Variants in SPTBN1 observed in about 807,000 individuals in gnomAD.
The protein encoded by SPTBN1 is spectrin beta chain, non-erythrocytic 1.
SPTBN1 carries 32 observed loss-of-function variants against 266.4 expected under a neutral mutation model. The observed-to-expected ratio is 0.12, with a 90% confidence interval of 0.09 to 0.16. The LOEUF is 0.16. Ranked by LOEUF, SPTBN1 falls within the 10% of genes least tolerant of loss-of-function variation. The pLI, the probability that SPTBN1 is intolerant of heterozygous loss-of-function variation, is 1.00. For missense variants in SPTBN1, 2,296 were observed against 3,067.1 expected, an observed-to-expected ratio of 0.75 and a Z score of 5.94; for synonymous variants, 1,336 against 1,162.2, an observed-to-expected ratio of 1.15 and a Z score of -3.04.
rs1433717525 is a variant in SPTBN1, at chr2:54,626,822, T to C, written c.1644+588T>C. Among the ~76,000 whole-genome samples the C allele has an allele frequency of 1.3e-5, 2 of 152,228 alleles. No homozygotes were observed. The highest frequency in any genetic ancestry group is 2.4e-5 in the African/African-American group (1 of 41,458). On this transcript the variant is annotated intron_variant, in intron 12 of 35. Transcript: ENST00000356805. The surrounding 1 kb of genome is among the most constrained non-coding windows in gnomAD (Gnocchi z 4.7). ...TGCACAGATCATGGGATGGGCTGGA[T>C]GGCAGTGGCTGGTCATGCCATTTAT...
chr2:54,649,456 G>C lies in SPTBN1; in HGVS notation c.5203-159G>C. ...AGTGAGCAAGAAAGGAAACCCAGTT[G>C]CTAAGAGGTTCTCGAGCTAAGATCT... On this transcript the variant is annotated intron_variant, in intron 25 of 35. Transcript: ENST00000356805. This position sits in a 1 kb window ranked among gnomAD's most constrained non-coding sequence, Gnocchi z 6.7. 1.6e-6 allele frequency: 2 copies of C among 1,221,164 alleles called. No individual in the cohort carries two copies. Among genetic ancestry groups the C allele is most frequent in the Non-Finnish European group, 2.2e-6 (2 of 896,904 alleles). The allele number at this position is 1,221,164 out of a possible 1,614,324, so 75.6% of individuals were successfully genotyped here.
intron 1 of SPTBN1, chr2:54,520,447 C>A (rs951650786): frequency 2.0e-5 from 3 of 152,154 alleles, no homozygotes; most frequent in African/African-American, 7.2e-5. Context: ...TTTCCACATC[C>A]ATTTCTGCCT....
intron 1 of SPTBN1, among the ~76,000 whole-genome samples, chr2:54,487,799 G>A (rs1244532858): frequency 7.1e-6 from 1 of 141,698 alleles, no homozygotes; most frequent in Non-Finnish European, 1.5e-5. Context: ...TTAATATAGT[G>A]ATATTAATTC....
chr2:54,607,421 A>C (rs1676919063), intron 3 of SPTBN1, among the ~76,000 whole-genome samples: 1 of 152,162 alleles, frequency 6.6e-6, no homozygotes. Context: ...TCAGGAGTTC[A>C]AGACCAGCTT....
intron 2 of SPTBN1, among the ~76,000 whole-genome samples, chr2:54,552,816 T>C (rs1394083841): frequency 3.3e-5 from 5 of 152,218 alleles, no homozygotes; most frequent in Non-Finnish European, 5.9e-5. Flanking sequence ...CTGATTCAAA[T>C]GCTTACATGG....
chr2:54,587,020 C>T (rs1675339737), intron 2 of SPTBN1, among the ~76,000 whole-genome samples: 1 of 152,120 alleles, frequency 6.6e-6, no homozygotes, highest in South Asian at 2.1e-4. Flanking sequence ...CCATAATAAG[C>T]AAGGGCCGGG....
In SPTBN1 at chr2:54,645,367, T is replaced by A; in HGVS notation, c.4408T>A (p.Leu1470Met). Residue 1470 changes from leucine (L) to methionine (M), a missense_variant, in exon 21 of 36, where the codon TTG becomes ATG. This residue lies in a region of SPTBN1 where 386 missense variants were observed against 486.1 expected (regional missense o/e 0.79). Transcript: ENST00000356805. This position sits in a 1 kb window ranked among gnomAD's most constrained non-coding sequence, Gnocchi z 4.3. ...CACCGTGCAGACCAAGTTCATGGAG[T>A]TGCTGGAGCCCTTGAACGAGAGGAA... ...RLTVQTKFME[L>M]LEPLNERKHN... The A allele has an allele frequency of 1.9e-6, 3 of 1,614,020 alleles. No individual in the cohort carries two copies. The highest frequency in any genetic ancestry group is 2.5e-6 in the Non-Finnish European group (3 of 1,179,998).
intron 3 of SPTBN1, among the ~76,000 whole-genome samples, chr2:54,608,735 G>C (rs2103769995): frequency 6.6e-6 from 1 of 151,874 alleles, no homozygotes; most frequent in African/African-American, 2.4e-5. Flanking sequence ...GTGGATCCTT[G>C]AACAAAGCAG....
chr2:54,517,730 C>T (rs531202554), intron 1 of SPTBN1, among the ~76,000 whole-genome samples: 1 of 151,856 alleles, frequency 6.6e-6, no homozygotes, highest in Non-Finnish European at 1.5e-5. Flanking sequence ...ACTGCAACCT[C>T]CATCACCCGG....
chr2:54,557,595 G>A (rs993942272), intron 2 of SPTBN1: 3 of 426,326 alleles, frequency 7.0e-6, no homozygotes, highest in Admixed American at 6.4e-5. Context: ...AGGAATTTGA[G>A]GGTAGTTTCG....
At chr2:54,632,285 G>A (rs1678800783) in intron 16 of SPTBN1, among the ~76,000 whole-genome samples, 1 of 152,088 alleles carries the variant, frequency 6.6e-6, no homozygotes, top group African/African-American at 2.4e-5. Context: ...TGCCTTGATA[G>A]GCACGTGAGA....
chr2:54,456,784 C>T (rs1390123562), intron 1 of SPTBN1, among the ~76,000 whole-genome samples: 4 of 150,788 alleles, frequency 2.7e-5, no homozygotes, highest in East Asian at 2.0e-4. Flanking sequence ...GGTGAGGCGG[C>T]AGCAGACCCG....
chr2:54,514,102 T>A (rs1330356712), intron 1 of SPTBN1, among the ~76,000 whole-genome samples: 1 of 152,210 alleles, frequency 6.6e-6, no homozygotes, highest in Non-Finnish European at 1.5e-5. Flanking sequence ...ACTCAAATAA[T>A]AAATCCATTT....
rs185605266 is a variant in SPTBN1 at position 54,668,903 on chromosome 2, G to A, written c.*334G>A. On this transcript the variant is annotated 3_prime_UTR_variant, in exon 36 of 36. Coordinates refer to ENST00000356805, the MANE Select transcript of SPTBN1 (RefSeq NM_003128.3). ...TAGTGCTGTTGGTATGCAAGGCAGC[G>A]GTGCTTAATCAATATTTCCTGTGCT... The A allele has an allele frequency of 3.5e-4, 100 of 282,282 alleles. No individual in the cohort carries two copies. The highest frequency in any genetic ancestry group is 2.5e-3 in the Admixed American group (49 of 19,930). The allele number at this position is 282,282 out of a possible 1,614,324, so 17.5% of individuals were successfully genotyped here.
intron 7 of SPTBN1, among the ~76,000 whole-genome samples, chr2:54,620,387 G>C (rs1677915215): frequency 6.6e-6 from 1 of 152,218 alleles, no homozygotes; most frequent in Non-Finnish European, 1.5e-5. Context: ...TAGTAAGAAA[G>C]TTATGGGGTC....
intron 18 of SPTBN1, 92 bp from the exon 19 acceptor site, chr2:54,642,891 T>C: frequency 1.4e-6 from 2 of 1,464,978 alleles, no homozygotes; most frequent in Non-Finnish European, 1.9e-6. Context: ...GTGTGTAGTA[T>C]GCATAATATG....
intron 1 of SPTBN1, among the ~76,000 whole-genome samples, chr2:54,519,338 T>C (rs1670288935): frequency 6.6e-6 from 1 of 152,222 alleles, no homozygotes. Flanking sequence ...AGCAGTCTTT[T>C]AATGATAGGT....
chr2:54,515,111 C>T (rs532401290), intron 1 of SPTBN1, among the ~76,000 whole-genome samples: 1 of 152,276 alleles, frequency 6.6e-6, no homozygotes, highest in South Asian at 2.1e-4. Flanking sequence ...GATCATTTGG[C>T]ACCACCCAGA....
Position 54,664,645 on chromosome 2 carries a change from A to C in SPTBN1, c.6613A>C (p.Asn2205His), listed in dbSNP as rs1316240395. 6.2e-7 allele frequency: 1 copy of C among 1,614,050 alleles called. No individual in the cohort carries two copies. The highest frequency in any genetic ancestry group is 8.5e-7 in the Non-Finnish European group (1 of 1,180,036). ...TPSAQMEGFL[N>H]RKHEWEAHNK... ...TTCGGCCCAGATGGAAGGCTTCCTC[A>C]ATCGGAAACACGAGTGGGAGGCCCA... Residue 2205 changes from asparagine to histidine, a missense_variant, in exon 33 of 36, where the codon AAT becomes CAT. By Grantham distance (68) the Asn-to-His change is moderately conservative. This residue lies in a region of SPTBN1 where 347 missense variants were observed against 368.5 expected (regional missense o/e 0.94). Coordinates refer to ENST00000356805, the MANE Select transcript of SPTBN1 (RefSeq NM_003128.3). The surrounding 1 kb of genome is among the most constrained non-coding windows in gnomAD (Gnocchi z 5.6).
Sources: gnomAD v4.1 joint callset for allele counts (sites outside exome capture counted in the v4.1 genomes callset) on GRCh38, gnomAD v4.1.1 for gene constraint, gnomAD v4.1.1 regional missense constraint, Gnocchi (gnomAD v3.1) non-coding constraint, MANE v1.5 for transcripts, NCBI Gene and HGNC (gene_info 2026-07-23, HGNC 2026-07-21) for gene names.